KIFC2: variants seen among roughly 807,000 people sequenced by gnomAD.
KIFC2 encodes kinesin family member C2.
Under a neutral mutation model 91.5 loss-of-function variants are expected in KIFC2, and 94 were observed. The observed-to-expected ratio is 1.03, with a 90% CI of 0.87 to 1.22. The LOEUF is 1.22. Ranked by LOEUF, KIFC2 falls within the 50% of genes most tolerant of loss-of-function variation. KIFC2 has a pLI of 0.00. For missense variants in KIFC2, 1,357 were observed against 1,103.3 expected (o/e 1.23, Z -3.26); for synonymous variants, 729 against 503.9 (o/e 1.45, Z -5.98).
rs752419993 is a variant in KIFC2 at position 144,467,321 on chromosome 8, T to G, written c.449T>G (p.Val150Gly). Residue 150 changes from valine (V) to glycine (G), a missense_variant, in exon 4 of 18, where the codon GTC becomes GGC. By Grantham distance (109) the Val-to-Gly change is moderately radical (BLOSUM62 -3). Transcript: ENST00000645548. The stretch of plus-strand genomic sequence containing the variant: ...CAGGGGACTCAGCCAGCCCCTCGGG[T>G]CCGGCCCCCCTCTCCAGATGGTGAG... Reference protein sequence around the residue: ...LLQGTQPAPRVRPPSPDGSTS... With the variant: ...LLQGTQPAPRGRPPSPDGSTS... The G allele has an allele frequency of 3.7e-6, 6 of 1,609,962 alleles. No individual in the cohort carries two copies. In the Admixed American group the frequency reaches 1.0e-4, roughly 27 times the overall value.
rs752255057 is a variant in KIFC2, at chr8:144,472,674, C to A, written c.1829C>A (p.Ala610Glu). The A allele has an allele frequency of 1.9e-6, 3 of 1,596,506 alleles. No homozygotes were observed. In the South Asian group the frequency reaches 3.3e-5, roughly 18 times the overall value. ...GCCCTGGTCACGCTGACGCTGCGCG[C>A]GGCGTCTCCACCGCGCGCTCCAGGC... ...SHALVTLTLR[A>E]ASPPRAPGTA... Residue 610 changes from alanine to glutamate, a missense_variant, in exon 16 of 18, where the codon GCG (alanine) becomes GAG (glutamate). Ala to Glu is a moderately radical substitution (Grantham distance 107). Coordinates refer to ENST00000645548, the MANE Select transcript of KIFC2 (RefSeq NM_001369769.2).
In KIFC2 at chr8:144,466,816, G is replaced by A. The variant is rs1255488622; in HGVS notation, c.156G>A (p.Trp52Ter). 6.5e-7 allele frequency: 1 copy of A among 1,536,998 alleles called. No individual in the cohort carries two copies. Among genetic ancestry groups the A allele is most frequent in the Non-Finnish European group, 8.7e-7 (1 of 1,148,506 alleles). The change falls in exon 2 of 18, where the codon TGG (tryptophan) becomes TGA (stop). Residue 52 changes from tryptophan (W) to a stop codon, truncating the protein, a stop_gained. Coordinates refer to ENST00000645548, the MANE Select transcript of KIFC2 (RefSeq NM_001369769.2). LOFTEE classifies it high-confidence loss of function. ...CAGACCTGCCCGCGCCAGAGCTGTG[G>A]ACCGAGCTGACCGGCCTGGCCGGTA... is the stretch of plus-strand genomic sequence containing the variant. ...RRPDLPAPEL[W>*]TELTGLAASS...
chr8:144,466,975 G>A lies in KIFC2; in HGVS notation c.195G>A (p.Glu65=). The change falls in exon 3 of 18, where the codon GAG becomes GAA. Residue 65 remains glutamate (E), a synonymous_variant. Coordinates refer to ENST00000645548, the MANE Select transcript of KIFC2 (RefSeq NM_001369769.2). ...LTGLAASSEP[E]DGSEGAAEGR... ...GACCGGCAGCCAGCTCCGAGCCTGA[G>A]GATGGGTCGGAAGGCGCAGCCGAGG... The A allele has an allele frequency of 1.9e-6, 3 of 1,596,162 alleles. No homozygotes were observed. The highest frequency in any genetic ancestry group is 2.2e-5 in the East Asian group (1 of 44,590).
At position 144,467,194 on chromosome 8, in the gene KIFC2, C is replaced by T. The variant is rs202237016; in HGVS notation, c.331-9C>T. The stretch of plus-strand genomic sequence containing the variant: ...CACAGCCCTGCTCGGATTCTTGTCT[C>T]CTTCGCAGTCTGGCGAGGTCCCCTC... On this transcript the variant is annotated splice_polypyrimidine_tract_variant and intron_variant, in intron 3 of 17. Transcript: ENST00000645548. The T allele has an allele frequency of 6.2e-6, 10 of 1,613,412 alleles. No homozygotes were observed. The highest frequency in any genetic ancestry group is 2.2e-5 in the South Asian group (2 of 91,090).
At chr8:144,472,084 G>A (rs767130388) in intron 13 of KIFC2, 38 bp downstream of exon 13, 1 of 1,613,194 alleles carries the variant, frequency 6.2e-7, no homozygotes, top group Admixed American at 1.7e-5. Flanking sequence ...AGAGGCCCCA[G>A]GGGCCCTGCA....
intron 12 of KIFC2, among the ~76,000 whole-genome samples, chr8:144,471,512 C>G (rs114056223): frequency 6.6e-6 from 1 of 152,014 alleles, no homozygotes; most frequent in Non-Finnish European, 1.5e-5. Flanking sequence ...GGGATTTCAC[C>G]GTATTGCCTA....
At position 144,471,933 on chromosome 8, in the gene KIFC2, C is replaced by T. The variant is rs376314946; in HGVS notation, c.1381-9C>T. 1.2e-6 allele frequency: 2 copies of T among 1,612,352 alleles called. No individual in the cohort carries two copies. Among genetic ancestry groups the T allele is most frequent in the African/African-American group, 2.7e-5 (2 of 74,932 alleles). ...GAGGACTCAAAACACATTCTCCCGC[C>T]TCCCGCAGGTCTTCAGAGAGCTGGA... On this transcript the variant is annotated splice_polypyrimidine_tract_variant and intron_variant, in intron 12 of 17. Transcript: ENST00000645548.
chr8:144,468,355 C>T lies in KIFC2; in HGVS notation c.837C>T (p.Leu279=), dbSNP rs145865761. Residue 279 remains leucine, a synonymous_variant, in exon 8 of 18, where the codon CTC becomes CTT. Transcript: ENST00000645548. ...PQEEAEALLE[L]QGRLQEAQDT... is the part of the protein sequence containing the mutation. The stretch of plus-strand genomic sequence containing the variant: ...AGGAGGCAGAGGCATTGCTAGAGCT[C>T]CAGGGCCGGCTTCAGGAGGCCCAAG... 1.2e-6 allele frequency: 2 copies of T among 1,612,616 alleles called. No homozygotes were observed. The highest frequency in any genetic ancestry group is 1.7e-6 in the Non-Finnish European group (2 of 1,179,730).
In KIFC2 at chr8:144,473,060, C is replaced by T. The variant is rs1345000161; in HGVS notation, c.2118+9C>T. On this transcript the variant is annotated intron_variant, in intron 17 of 17. Transcript: ENST00000645548. ...CGGTGCTGCTGCTGCAGGTGGGCGC[C>T]GGGGCGGGGCAGGTGTGTGCGTGCC... The T allele has an allele frequency of 1.4e-6, 2 of 1,426,274 alleles. No individual in the cohort carries two copies. The highest frequency in any genetic ancestry group is 1.8e-6 in the Non-Finnish European group (2 of 1,096,242). The allele number at this position is 1,426,274 out of a possible 1,614,324, so 88.4% of individuals were successfully genotyped here.
At position 144,473,196 on chromosome 8, in the gene KIFC2, G is replaced by T; in HGVS notation, c.2183G>T (p.Gly728Val). The change falls in exon 18 of 18, where the codon GGT (glycine) becomes GTT (valine). Residue 728 changes from glycine (G) to valine (V), a missense_variant. Coordinates refer to ENST00000645548, the MANE Select transcript of KIFC2 (RefSeq NM_001369769.2). ...VCSLKFADRV[G>V]QVELGPARRR... ...TCCCTCAAGTTCGCCGACCGAGTGG[G>T]TCAAGTGGAGCTGGGGCCAGCCCGG... 1 of 1,584,444 alleles carries T rather than the reference G, an allele frequency of 6.3e-7. No homozygotes were observed. Among genetic ancestry groups the T allele is most frequent in the Non-Finnish European group, 8.6e-7 (1 of 1,166,166 alleles).
chr8:144,471,930 C>A lies in KIFC2; in HGVS notation c.1381-12C>A, dbSNP rs374464957. 1 of 1,611,700 alleles carries A rather than the reference C, an allele frequency of 6.2e-7. No homozygotes were observed. The highest frequency in any genetic ancestry group is 1.3e-5 in the African/African-American group (1 of 74,934). ...GGGGAGGACTCAAAACACATTCTCC[C>A]GCCTCCCGCAGGTCTTCAGAGAGCT... On this transcript the variant is annotated splice_polypyrimidine_tract_variant and intron_variant, in intron 12 of 17. Transcript: ENST00000645548.
At chr8:144,469,794 G>A (rs781201673) in intron 12 of KIFC2, 147 bp downstream of exon 12, 2 of 1,057,940 alleles carry the variant, frequency 1.9e-6, no homozygotes, top group South Asian at 1.6e-5. Flanking sequence ...AGGGAACCGA[G>A]GGGGCTGGGA....
chr8:144,468,166 AC>A, intron 7 of KIFC2, 162 bp from the exon 8 acceptor site: 1 of 1,034,436 alleles, frequency 9.7e-7, no homozygotes, highest in Non-Finnish European at 1.4e-6. Context: ...TGAGTGGCTG[AC>A]CCCAGGAGAG....
chr8:144,466,916 C>T (rs1824672791), intron 2 of KIFC2, 43 bp from the exon 3 acceptor site: 2 of 1,570,318 alleles, frequency 1.3e-6, no homozygotes, highest in South Asian at 1.1e-5. Context: ...CTGGCTCAAG[C>T]ACGTGACCCG....
intron 14 of KIFC2, 45 bp downstream of exon 14, chr8:144,472,304 G>A: frequency 6.2e-7 from 1 of 1,613,448 alleles, no homozygotes; most frequent in South Asian, 1.1e-5. Context: ...CCCTGGCCCA[G>A]GGCCCTTCCG....
chr8:144,470,207 C>T (rs1824873274), intron 12 of KIFC2, among the ~76,000 whole-genome samples: 2 of 152,260 alleles, frequency 1.3e-5, no homozygotes, highest in African/African-American at 4.8e-5. Context: ...ACCAGGCTGC[C>T]TGCCAGCCTC....
rs376672513 is a variant in KIFC2, at chr8:144,467,277, G to T, written c.405G>T (p.Arg135Ser). 2 of 1,613,326 alleles carry T rather than the reference G, an allele frequency of 1.2e-6. No individual in the cohort carries two copies. The highest frequency in any genetic ancestry group is 2.2e-5 in the South Asian group (2 of 91,092). ...LALLAWLRSP[R>S]GRQALLQGTQ... ...TTCTGGCATGGCTTCGAAGCCCCAG[G>T]GGGAGGCAGGCCCTGCTCCAGGGGA... Residue 135 changes from arginine to serine, a missense_variant, in exon 4 of 18, where the codon AGG (arginine) becomes AGT (serine). Arg to Ser is a moderately radical substitution (Grantham distance 110, BLOSUM62 -1). Coordinates refer to ENST00000645548, the MANE Select transcript of KIFC2 (RefSeq NM_001369769.2).
chr8:144,466,691 G>T, intron 1 of KIFC2, 69 bp from the exon 2 acceptor site: 2 of 1,318,192 alleles, frequency 1.5e-6, no homozygotes, highest in Non-Finnish European at 2.0e-6. Context: ...CTCCGGCCCG[G>T]TTCGCGGAGG....
In KIFC2 at chr8:144,468,416, G is replaced by C; in HGVS notation, c.888+10G>C. On this transcript the variant is annotated intron_variant, in intron 8 of 17. Transcript: ENST00000645548. Reference sequence around the variant, plus strand: ...AGCCCTCCGAGCCCAGGTGGGCATGGGGCCCAGGGATCCATGGCTCAGGGG... The same window carrying C: ...AGCCCTCCGAGCCCAGGTGGGCATGCGGCCCAGGGATCCATGGCTCAGGGG... 6.2e-7 allele frequency: 1 copy of C among 1,611,962 alleles called. No homozygotes were observed. Among genetic ancestry groups the C allele is most frequent in the Non-Finnish European group, 8.5e-7 (1 of 1,179,440 alleles).
Sources: allele counts gnomAD v4.1 joint callset (sites outside exome capture counted in the v4.1 genomes callset), GRCh38; gene constraint gnomAD v4.1.1; transcripts MANE v1.5; gene names NCBI Gene and HGNC (gene_info 2026-07-23, HGNC 2026-07-21).